The following R3HCC1 variants were observed in gnomAD, a reference collection of about 807,000 sequenced individuals.
R3HCC1 encodes the protein R3H and coiled-coil domain-containing protein 1.
In R3HCC1, 32 loss-of-function variants were observed where a neutral mutation model predicts 40.0. That is an observed-to-expected ratio of 0.80 (90% CI 0.60 to 1.07). R3HCC1 has a LOEUF of 1.07. Among genes scored for constraint, R3HCC1 ranks in the 50% least tolerant of loss-of-function variants. The pLI is 0.00. For missense variants in R3HCC1, 586 were observed against 563.3 expected (o/e 1.04, Z -0.41); for synonymous variants, 237 against 232.8 (o/e 1.02, Z -0.17).
chr8:23,289,045 G>A lies in R3HCC1; in HGVS notation c.140G>A (p.Arg47His). ...CTTCTTTTCCCCCCACTCTCCAGTC[G>A]CCTCCGGTACCTGATCCATAGAACA... The change falls in exon 3 of 8, where the codon CGC (arginine) becomes CAC (histidine). Residue 47 changes from arginine (R) to histidine (H), a missense_variant. Transcript: ENST00000265806. The A allele has an allele frequency of 6.5e-7, 1 of 1,536,524 alleles. No individual in the cohort carries two copies. Among genetic ancestry groups the A allele is most frequent in the Non-Finnish European group, 8.7e-7 (1 of 1,146,980 alleles).
intron 7 of R3HCC1, 149 bp from the exon 8 acceptor site, chr8:23,295,818 T>G (rs1585336753): frequency 1.3e-5 from 16 of 1,205,740 alleles, no homozygotes; most frequent in Non-Finnish European, 1.8e-5. Flanking sequence ...CTCATGAGCA[T>G]CCGGCCACAC....
rs534615994 is a variant in R3HCC1, at chr8:23,288,762, C to G, written c.110+129C>G. On this transcript the variant is annotated intron_variant, in intron 2 of 7. Coordinates refer to ENST00000265806, the MANE Select transcript of R3HCC1 (RefSeq NM_001136108.3). The stretch of plus-strand genomic sequence containing the variant: ...CCTTGGCCTTTAGTCTTTATAACGC[C>G]AGCTGCCTCTTTTAGCTGCATCTTT... The G allele has an allele frequency of 9.3e-6, 11 of 1,181,036 alleles. No individual in the cohort carries two copies. The East Asian group carries it at 2.8e-4, about 30-fold the overall frequency. The allele number at this position is 1,181,036 out of a possible 1,614,324, so 73.2% of individuals were successfully genotyped here.
At chr8:23,292,372 A>G (rs1802886544) in intron 5 of R3HCC1, among the ~76,000 whole-genome samples, 1 of 152,158 alleles carries the variant, frequency 6.6e-6, no homozygotes, top group African/African-American at 2.4e-5. Context: ...TGGGAAGCTG[A>G]GGAGGGCGGA....
intron 4 of R3HCC1, 114 bp from the exon 5 acceptor site, chr8:23,291,247 C>T: frequency 2.1e-6 from 3 of 1,425,318 alleles, no homozygotes; most frequent in Non-Finnish European, 1.8e-6. Flanking sequence ...GCTGCCTTTC[C>T]CAGACTTTTG....
Position 23,288,497 on chromosome 8 carries a change from C to T in R3HCC1, c.-18-9C>T. The T allele has an allele frequency of 1.3e-6, 2 of 1,536,010 alleles. No homozygotes were observed. The highest frequency in any genetic ancestry group is 1.7e-6 in the Non-Finnish European group (2 of 1,146,822). ...CTCTGATTCCCGGCCCTGCCCGTCT[C>T]TCTTACAGGCTCTCCCACCTGTCAC... On this transcript the variant is annotated splice_polypyrimidine_tract_variant and intron_variant, in intron 1 of 7. Coordinates refer to ENST00000265806, the MANE Select transcript of R3HCC1 (RefSeq NM_001136108.3).
chr8:23,289,418 C>G (rs577747675), intron 3 of R3HCC1, among the ~76,000 whole-genome samples: 1 of 152,156 alleles, frequency 6.6e-6, no homozygotes. Flanking sequence ...GGGTGTGTGG[C>G]GGGGGGCCTC....
chr8:23,294,687 G>A lies in R3HCC1; in HGVS notation c.1097-82G>A, dbSNP rs544987439. ...TGAGCTTTGAATAGGTGCACAACAC[G>A]GCTGCAGGGGTTCGGGGTGGTGGGT... On this transcript the variant is annotated intron_variant, in intron 6 of 7. Transcript: ENST00000265806. The A allele has an allele frequency of 6.6e-5, 69 of 1,051,964 alleles. No homozygotes were observed. In the African/African-American group the frequency reaches 8.6e-4, roughly 13 times the overall value. The allele number at this position is 1,051,964 out of a possible 1,614,324, so 65.2% of individuals were successfully genotyped here. A position where few individuals can be genotyped will look rare whatever the true frequency, so the allele number is the denominator to read the frequency against.
Position 23,293,539 on chromosome 8 carries a change from T to A in R3HCC1, c.1096+166T>A, listed in dbSNP as rs1257945008. On this transcript the variant is annotated intron_variant, in intron 6 of 7. Transcript: ENST00000265806. ...AAAACCCAGGGGGAGCTGAGCGGTC[T>A]CTGGCCCATAGTAATGCGCCTTAAT... 1.4e-4 allele frequency among the ~76,000 whole-genome samples: 22 copies of A among 152,306 alleles called. No individual in the cohort carries two copies. The East Asian group carries it at 4.1e-3, about 28-fold the overall frequency.
At position 23,296,187 on chromosome 8, in the gene R3HCC1, G is replaced by T; in HGVS notation, c.*90G>T. ...CCTTCACAGACGCCAGAGCAGCCCC[G>T]CACCACCCTCGAGCTTCACCATGGG... On this transcript the variant is annotated 3_prime_UTR_variant, in exon 8 of 8. Transcript: ENST00000265806. 7.1e-7 allele frequency: 1 copy of T among 1,414,600 alleles called. No individual in the cohort carries two copies. Among genetic ancestry groups the T allele is most frequent in the Non-Finnish European group, 9.4e-7 (1 of 1,067,954 alleles). The allele number at this position is 1,414,600 out of a possible 1,614,324, so 87.6% of individuals were successfully genotyped here.
At chr8:23,291,162 C>A in intron 4 of R3HCC1, 199 bp from the exon 5 acceptor site, 1 of 550,586 alleles carries the variant, frequency 1.8e-6, no homozygotes, top group Non-Finnish European at 3.1e-6. Flanking sequence ...TTAGTGGGGA[C>A]TCCATACAAG....
At chr8:23,292,770 G>T (rs1802895966) in intron 5 of R3HCC1, among the ~76,000 whole-genome samples, 1 of 152,240 alleles carries the variant, frequency 6.6e-6, no homozygotes, top group East Asian at 1.9e-4. Context: ...CTACCTTGAT[G>T]GTGCAGCCAG....
chr8:23,288,965 A>G, intron 2 of R3HCC1, 51 bp from the exon 3 acceptor site: 1 of 1,529,316 alleles, frequency 6.5e-7, no homozygotes, highest in Middle Eastern at 1.7e-4. Flanking sequence ...TGGACCTGGT[A>G]GGGGCCAGGC....
chr8:23,292,872 A>G (rs985071576), intron 5 of R3HCC1, among the ~76,000 whole-genome samples: 15 of 152,168 alleles, frequency 9.9e-5, no homozygotes, highest in African/African-American at 3.6e-4. Flanking sequence ...TTCCTGAGCA[A>G]TAGGAATAAA....
Position 23,289,953 on chromosome 8 carries a change from C to A in R3HCC1, c.336C>A (p.Asn112Lys). 1 of 1,536,260 alleles carries A rather than the reference C, an allele frequency of 6.5e-7. No individual in the cohort carries two copies. Among genetic ancestry groups the A allele is most frequent in the Non-Finnish European group, 8.7e-7 (1 of 1,146,940 alleles). ...ACCACGGTCCTCGGCCCATCTCCAA[C>A]CAAGGAGCAGCTGCGGTTCCCCGAG... The change falls in exon 4 of 8, where the codon AAC becomes AAA. Residue 112 changes from asparagine to lysine, a missense_variant. Transcript: ENST00000265806.
chr8:23,289,976 G>A lies in R3HCC1; in HGVS notation c.359G>A (p.Arg120Gln), dbSNP rs760127872. 1.9e-5 allele frequency: 29 copies of A among 1,536,412 alleles called. No homozygotes were observed. Among genetic ancestry groups the A allele is most frequent in the Middle Eastern group, 3.3e-4 (2 of 6,012 alleles). ...AACCAAGGAGCAGCTGCGGTTCCCC[G>A]AGGTGCCCGGGCTGGCCGGTGGTAT... Residue 120 changes from arginine to glutamine, a missense_variant, in exon 4 of 8, where the codon CGA becomes CAA. Transcript: ENST00000265806.
intron 6 of R3HCC1, 54 bp downstream of exon 6, chr8:23,293,427 G>A: frequency 7.1e-7 from 1 of 1,400,126 alleles, no homozygotes; most frequent in Middle Eastern, 1.8e-4. Flanking sequence ...TGAGAGGGAG[G>A]ACCCTTGGTT....
At chr8:23,295,007 A>T (rs11779464) in intron 7 of R3HCC1, 143 bp downstream of exon 7, 381,829 of 682,026 alleles carry the variant, frequency 0.56, 109,357 homozygotes, top group East Asian at 0.79. Flanking sequence ...CTCTGCTCTT[A>T]GGGAGCCCTG....
rs781184346 is a variant in R3HCC1, at chr8:23,295,973, T to C, written c.1199T>C (p.Leu400Pro). The change falls in exon 8 of 8, where the codon CTG (leucine) becomes CCG (proline). Residue 400 changes from leucine to proline, a missense_variant. Leu to Pro is a moderately conservative substitution (Grantham distance 98). Coordinates refer to ENST00000265806, the MANE Select transcript of R3HCC1 (RefSeq NM_001136108.3). ...TGTGGGGCTTTCCTTCTAGAACTCC[T>C]GCGTCTGGTGAAGGAGAGGCCACAG... 1 of 1,549,574 alleles carries C rather than the reference T, an allele frequency of 6.5e-7. No homozygotes were observed. The highest frequency in any genetic ancestry group is 8.7e-7 in the Non-Finnish European group (1 of 1,146,242).
Position 23,291,344 on chromosome 8 carries a change from G to A in R3HCC1, c.853-17G>A, listed in dbSNP as rs1056719878. The A allele has an allele frequency of 9.7e-6, 15 of 1,546,264 alleles. No homozygotes were observed. The highest frequency in any genetic ancestry group is 8.3e-5 in the South Asian group (7 of 83,952). ...GCGTGTCCAAGCTCCCCTTGCTAAG[G>A]GTCCGATCTCTCCTAGATCACAGAC... On this transcript the variant is annotated splice_polypyrimidine_tract_variant and intron_variant, in intron 4 of 7. Transcript: ENST00000265806.
Sources: gnomAD v4.1 joint callset for allele counts (sites outside exome capture counted in the v4.1 genomes callset) on GRCh38, gnomAD v4.1.1 for gene constraint, MANE v1.5 for transcripts, NCBI Gene and HGNC (gene_info 2026-07-23, HGNC 2026-07-21) for gene names.